The following ZNF248 variants were observed in gnomAD, a reference collection of about 807,000 sequenced individuals.
The protein encoded by ZNF248 is KRAB protein domain.
Under a neutral mutation model 44.3 loss-of-function variants are expected in ZNF248, and 20 were observed. That is an observed-to-expected ratio of 0.45 (90% CI 0.32 to 0.66). The LOEUF (loss-of-function observed/expected upper bound fraction) is 0.66. Among genes scored for constraint, ZNF248 ranks in the 30% least tolerant of loss-of-function variants. The pLI, the probability that ZNF248 is intolerant of heterozygous loss-of-function variation, is 0.04. For synonymous variants in ZNF248, 224 were observed against 229.0 expected (o/e 0.98, Z 0.20); for missense variants, 654 against 677.0 (o/e 0.97, Z 0.38).
chr10:37,815,990 G>GGA (rs1245593801), intron 6 of ZNF248, among the ~76,000 whole-genome samples: 1 of 103,932 alleles, frequency 9.6e-6, no homozygotes, highest in Non-Finnish European at 2.1e-5. Flanking sequence ...TTCCGATAAT[G>GGA]GAAAAAAAAA....
At chr10:37,804,208 G>A (rs2050221053) in intron 6 of ZNF248, among the ~76,000 whole-genome samples, 2 of 149,342 alleles carry the variant, frequency 1.3e-5, no homozygotes, top group Admixed American at 6.7e-5. Context: ...CGGCTCAAGC[G>A]ATATTTCAGA....
At chr10:37,803,360 T>TGTCCTCACA (rs1317339343) in intron 6 of ZNF248, 2 of 152,228 alleles carry the variant, frequency 1.3e-5, no homozygotes, top group South Asian at 4.1e-4. Context: ...CCCCAGACTG[T>TGTCCTCACA]GTCCTCACAG....
intron 6 of ZNF248, among the ~76,000 whole-genome samples, chr10:37,793,304 C>G (rs1399866201): frequency 6.6e-6 from 1 of 152,062 alleles, no homozygotes; most frequent in Non-Finnish European, 1.5e-5. Context: ...CACTGCACTC[C>G]AGCCTGGGTG....
intron 3 of ZNF248, among the ~76,000 whole-genome samples, chr10:37,848,567 A>G (rs1460937371): frequency 6.7e-6 from 1 of 148,960 alleles, no homozygotes; most frequent in Non-Finnish European, 1.5e-5. Context: ...TGGGTGACAG[A>G]GCCAGACAGA....
chr10:37,793,483 G>C (rs943937009), intron 6 of ZNF248, among the ~76,000 whole-genome samples: 1 of 152,142 alleles, frequency 6.6e-6, no homozygotes, highest in Non-Finnish European at 1.5e-5. Flanking sequence ...AAAAAATGTT[G>C]AAGAAAGGGT....
chr10:37,847,043 T>C (rs2059439424), intron 3 of ZNF248, among the ~76,000 whole-genome samples: 1 of 152,180 alleles, frequency 6.6e-6, no homozygotes, highest in South Asian at 2.1e-4. Flanking sequence ...TTGTTGTTGC[T>C]GCTGTTGTTT....
downstream of ZNF248, among the ~76,000 whole-genome samples, chr10:37,773,713 T>G (rs2046365941): frequency 6.6e-6 from 1 of 152,172 alleles, no homozygotes. Context: ...ATCCCCCTGG[T>G]TGCATGTCCT....
intron 6 of ZNF248, among the ~76,000 whole-genome samples, chr10:37,821,806 T>C (rs1260873172): frequency 6.6e-6 from 1 of 152,140 alleles, no homozygotes; most frequent in Non-Finnish European, 1.5e-5. Context: ...GAGTTTTGGA[T>C]CCCATCTACT....
At chr10:37,815,911 C>T (rs2052366513) in intron 6 of ZNF248, among the ~76,000 whole-genome samples, 1 of 150,262 alleles carries the variant, frequency 6.7e-6, no homozygotes, top group South Asian at 2.1e-4. Context: ...TTTTCCTGGG[C>T]ATGTGTGGCA....
At chr10:37,837,911 A>C in intron 4 of ZNF248, 74 bp downstream of exon 4, 1 of 1,557,318 alleles carries the variant, frequency 6.4e-7, no homozygotes, top group Non-Finnish European at 8.7e-7. Flanking sequence ...CTCAAGCTTT[A>C]CATCAGAAAA....
chr10:37,758,746 ATTG>A, the ZNF248 span, among the ~76,000 whole-genome samples: 1 of 152,302 alleles, frequency 6.6e-6, no homozygotes, highest in Admixed American at 6.5e-5. Context: ...ATATAATCAT[ATTG>A]TTATTATCTT....
rs758377869 is a variant in ZNF248 at position 37,832,167 on chromosome 10, A to G, written c.1188T>C (p.Thr396=). The G allele has an allele frequency of 6.2e-7, 1 of 1,614,036 alleles. No homozygotes were observed. The highest frequency in any genetic ancestry group is 1.1e-5 in the South Asian group (1 of 91,074). The change falls in exon 6 of 6, where the codon ACT becomes ACC. Residue 396 remains threonine (T), a synonymous_variant. Transcript: ENST00000395867. Reference sequence around the variant, plus strand: ...CTCCTGTGTGTGTTCTCTGATGTTGAGTGAGGTTTGACTTCTCCCAGAAGG... The same window carrying G: ...CTCCTGTGTGTGTTCTCTGATGTTGGGTGAGGTTTGACTTCTCCCAGAAGG... ...GKTFWEKSNL[T]QHQRTHTGEK...
At chr10:37,784,285 T>C (rs906275251) in intron 6 of ZNF248, among the ~76,000 whole-genome samples, 2 of 152,228 alleles carry the variant, frequency 1.3e-5, no homozygotes, top group Middle Eastern at 3.2e-3. Flanking sequence ...CTCATCCAAG[T>C]CCATCTTAAA....
At chr10:37,799,444 A>C (rs1188265252) in intron 6 of ZNF248, among the ~76,000 whole-genome samples, 1 of 152,190 alleles carries the variant, frequency 6.6e-6, no homozygotes, top group Admixed American at 6.5e-5. Flanking sequence ...CTGTAGTCCC[A>C]GTTACTCAGG....
downstream of ZNF248, among the ~76,000 whole-genome samples, chr10:37,772,929 T>A (rs2046319725): frequency 6.6e-6 from 1 of 152,120 alleles, no homozygotes; most frequent in Admixed American, 6.5e-5. Flanking sequence ...TCACTACAAA[T>A]TTGAGAACCA....
intron 6 of ZNF248, chr10:37,796,094 T>C (rs1425300653): frequency 3.3e-5 from 5 of 152,212 alleles, no homozygotes; most frequent in Non-Finnish European, 7.3e-5. Context: ...TAATTGGTTA[T>C]AGTCTGTCTA....
chr10:37,772,718 C>A (rs1264700419), downstream of ZNF248, among the ~76,000 whole-genome samples: 1 of 152,146 alleles, frequency 6.6e-6, no homozygotes, highest in Non-Finnish European at 1.5e-5. Context: ...CGTATTTGCT[C>A]CCTGTTGATA....
At chr10:37,773,123 G>A (rs552051643), downstream of ZNF248, among the ~76,000 whole-genome samples, 1 of 152,314 alleles carries the variant, frequency 6.6e-6, no homozygotes, top group East Asian at 1.9e-4. Context: ...GCACACACCT[G>A]TAATCCCAGC....
intron 6 of ZNF248, among the ~76,000 whole-genome samples, chr10:37,811,110 G>A (rs988359447): frequency 1.3e-5 from 2 of 152,180 alleles, no homozygotes; most frequent in Non-Finnish European, 2.9e-5. Context: ...GTGCTCCCAA[G>A]AAGCAGAGAA....
Sources: gnomAD v4.1 joint callset for allele counts (sites outside exome capture counted in the v4.1 genomes callset) on GRCh38, gnomAD v4.1.1 for gene constraint, MANE v1.5 for transcripts, NCBI Gene and HGNC (gene_info 2026-07-23, HGNC 2026-07-21) for gene names.